The following NFATC2 variants were observed in gnomAD, a reference collection of about 807,000 sequenced individuals.
NFATC2 encodes the protein nuclear factor of activated T cells 2, also known as nuclear factor of activated T-cells, cytoplasmic 2.
A neutral mutation model predicts 87.3 loss-of-function variants in NFATC2; 22 were observed. The ratio of observed to expected loss-of-function variants is 0.25; its 90% CI spans 0.18 to 0.36. The LOEUF (loss-of-function observed/expected upper bound fraction) is 0.36, where lower values mean the gene tolerates loss of function less well. Ranked by LOEUF, NFATC2 falls within the 10% of genes least tolerant of loss-of-function variation. The pLI is 1.00. For missense variants in NFATC2, 1,149 were observed against 1,259.1 expected (o/e 0.91, Z 1.32); for synonymous variants, 565 against 542.2 (o/e 1.04, Z -0.58).
At position 51,517,800 on chromosome 20, in the gene NFATC2, C is replaced by T. The variant is rs556769905; in HGVS notation, c.1161-845G>A. 8.5e-4 allele frequency among the ~76,000 whole-genome samples: 129 copies of T among 151,694 alleles called. 1 individual carries two copies. The highest frequency in any genetic ancestry group is 3.1e-3 in the South Asian group (15 of 4,792). ...GGCTTGGTGGTGCATGCCTGTAATTCTAGCTACTCAGGAGGCTGAGGCATG... is the reference window on the plus strand; with the variant it reads ...GGCTTGGTGGTGCATGCCTGTAATTTTAGCTACTCAGGAGGCTGAGGCATG... On this transcript the variant is annotated intron_variant, in intron 2 of 10. Coordinates refer to ENST00000371564, the MANE Select transcript of NFATC2 (RefSeq NM_012340.5).
chr20:51,435,102 C>G (rs1346199120), intron 8 of NFATC2, 86 bp downstream of exon 8: 7 of 1,533,628 alleles, frequency 4.6e-6, no homozygotes, highest in African/African-American at 1.4e-5. Flanking sequence ...CCAAAGTTAC[C>G]CGGCTAGGAG....
Position 51,391,278 on chromosome 20 carries a change from A to T in NFATC2, c.*218T>A. On this transcript the variant is annotated 3_prime_UTR_variant, in exon 11 of 11. Transcript: ENST00000371564. ...GTGAGAGTCCGCTTAGTGCCCATAC[A>T]TTGATCCGCGTGTGGACTCCGGGCT... 1 of 1,062,662 alleles carries T rather than the reference A, an allele frequency of 9.4e-7. No individual in the cohort carries two copies. The highest frequency in any genetic ancestry group is 1.5e-6 in the Non-Finnish European group (1 of 678,362). 65.8% of individuals were successfully genotyped at this position (1,062,662 alleles called of 1,614,324 possible). A position where few individuals can be genotyped will look rare whatever the true frequency, so the allele number is the denominator to read the frequency against.
intron 1 of NFATC2, among the ~76,000 whole-genome samples, chr20:51,536,321 T>C: frequency 6.6e-6 from 1 of 152,142 alleles, no homozygotes; most frequent in East Asian, 1.9e-4. Flanking sequence ...CTGTGAGATA[T>C]AGTGCTGATG....
rs543280485 is a variant in NFATC2, at chr20:51,515,190, G to A, written c.1332+1594C>T. On this transcript the variant is annotated intron_variant, in intron 3 of 10. Transcript: ENST00000371564. The stretch of plus-strand genomic sequence containing the variant: ...GGGAAACCCTCAACTCTTTGGCCAA[G>A]GGCTGGGCTGTGTAAGCACAGGGAG... Among the ~76,000 whole-genome samples, 6 of 152,342 alleles carry A rather than the reference G, an allele frequency of 3.9e-5. 1 individual carries two copies. In the South Asian group the frequency reaches 1.2e-3, roughly 32 times the overall value.
In NFATC2 at chr20:51,391,436, C is replaced by G; in HGVS notation, c.*60G>C. ...GGCAGGAGGTCCTGAAAACTCCTTC[C>G]TGATAATTTCATTAACTACAAAAGA... On this transcript the variant is annotated 3_prime_UTR_variant, in exon 11 of 11. Coordinates refer to ENST00000371564, the MANE Select transcript of NFATC2 (RefSeq NM_012340.5). The G allele has an allele frequency of 1.8e-6, 2 of 1,122,526 alleles. No individual in the cohort carries two copies. Among genetic ancestry groups the G allele is most frequent in the South Asian group, 1.2e-5 (1 of 82,762 alleles). The allele number at this position is 1,122,526 out of a possible 1,614,324, so 69.5% of individuals were successfully genotyped here.
At chr20:51,522,447 G>A (rs188065178) in intron 2 of NFATC2, among the ~76,000 whole-genome samples, 14 of 152,300 alleles carry the variant, frequency 9.2e-5, no homozygotes, top group Admixed American at 9.1e-4. Context: ...TGTTCACTCA[G>A]GTAGTGAGTG....
chr20:51,516,549 C>T (rs141047111), intron 3 of NFATC2, among the ~76,000 whole-genome samples: 2 of 152,312 alleles, frequency 1.3e-5, no homozygotes, highest in African/African-American at 4.8e-5. Flanking sequence ...AAGAAGCATC[C>T]GGGCACATGA....
chr20:51,555,315 C>T (rs540777121), intron 1 of NFATC2, among the ~76,000 whole-genome samples: 7 of 152,264 alleles, frequency 4.6e-5, no homozygotes, highest in Non-Finnish European at 4.4e-5. Flanking sequence ...CTATGTGGGC[C>T]GGGTGCGGTG....
At chr20:51,419,581 A>T (rs1980567856) in intron 9 of NFATC2, among the ~76,000 whole-genome samples, 1 of 152,196 alleles carries the variant, frequency 6.6e-6, no homozygotes, top group Admixed American at 6.5e-5. Context: ...CTGTTACAAG[A>T]GGAAGAAATC....
intron 5 of NFATC2, among the ~76,000 whole-genome samples, chr20:51,470,416 T>C (rs1336789456): frequency 1.3e-5 from 2 of 152,196 alleles, no homozygotes; most frequent in Non-Finnish European, 2.9e-5. Context: ...CCAGCTGGCA[T>C]GCAAATAAAC....
At chr20:51,532,135 C>T (rs1388994078) in intron 1 of NFATC2, among the ~76,000 whole-genome samples, 1 of 152,090 alleles carries the variant, frequency 6.6e-6, no homozygotes, top group Non-Finnish European at 1.5e-5. Context: ...TACTTTATAT[C>T]GAGAACTGTA....
At chr20:51,509,598 A>C (rs114217027) in intron 3 of NFATC2, among the ~76,000 whole-genome samples, 1 of 152,122 alleles carries the variant, frequency 6.6e-6, no homozygotes, top group African/African-American at 2.4e-5. Flanking sequence ...AGCAAGAACT[A>C]CTTCCTGTCT....
chr20:51,430,301 A>G (rs1982504250), intron 9 of NFATC2, among the ~76,000 whole-genome samples: 1 of 152,180 alleles, frequency 6.6e-6, no homozygotes, highest in Non-Finnish European at 1.5e-5. Context: ...TCACGTGGAG[A>G]GGGATCTGGT....
chr20:51,559,768 T>C (rs1332224843), intron 1 of NFATC2, among the ~76,000 whole-genome samples: 1 of 152,258 alleles, frequency 6.6e-6, no homozygotes, highest in African/African-American at 2.4e-5. Context: ...TTATCTGCTA[T>C]GTGACCTTGG....
intron 9 of NFATC2, among the ~76,000 whole-genome samples, chr20:51,423,291 CAAAAAAAAAAAAAAA>C (rs71192527): frequency 4.5e-4 from 28 of 62,858 alleles, no homozygotes; most frequent in Non-Finnish European, 5.9e-4. Context: ...GACCCTCTCT[CAAAAAAAAAAAAAAA>C]AAAAAAAAAG....
chr20:51,434,533 A>T (rs1249493878), intron 8 of NFATC2, among the ~76,000 whole-genome samples: 1 of 152,194 alleles, frequency 6.6e-6, no homozygotes, highest in Non-Finnish European at 1.5e-5. Flanking sequence ...CATATCAATA[A>T]TATCAACATT....
At chr20:51,414,271 T>C (rs1024858767) in intron 9 of NFATC2, among the ~76,000 whole-genome samples, 4 of 151,966 alleles carry the variant, frequency 2.6e-5, no homozygotes, top group Non-Finnish European at 4.4e-5. Flanking sequence ...AATAAATAAA[T>C]AAATAAATGG....
Position 51,524,770 on chromosome 20 carries a change from T to C in NFATC2, c.131-660A>G, listed in dbSNP as rs937513085. Among the ~76,000 whole-genome samples the C allele has an allele frequency of 1.3e-5, 2 of 152,082 alleles. No individual in the cohort carries two copies. The highest frequency in any genetic ancestry group is 2.9e-5 in the Non-Finnish European group (2 of 68,024). ...GCTCCTGACTCATGTCTCATCTGTGTCATTTTACAAATGAGGAAACTGAGG... is the reference window on the plus strand; with the variant it reads ...GCTCCTGACTCATGTCTCATCTGTGCCATTTTACAAATGAGGAAACTGAGG... On this transcript the variant is annotated intron_variant, in intron 1 of 10. Coordinates refer to ENST00000371564, the MANE Select transcript of NFATC2 (RefSeq NM_012340.5). The surrounding 1 kb of genome is among the most constrained non-coding windows in gnomAD (Gnocchi z 4.0).
chr20:51,536,661 C>T (rs550713866), intron 1 of NFATC2, among the ~76,000 whole-genome samples: 93 of 152,314 alleles, frequency 6.1e-4, no homozygotes, highest in African/African-American at 1.6e-3. Context: ...CAAGATGCCA[C>T]GTGTTTCACA....
Sources: gnomAD v4.1 joint callset for allele counts (sites outside exome capture counted in the v4.1 genomes callset) on GRCh38, gnomAD v4.1.1 for gene constraint, Gnocchi (gnomAD v3.1) non-coding constraint, MANE v1.5 for transcripts, NCBI Gene and HGNC (gene_info 2026-07-23, HGNC 2026-07-21) for gene names.